Variants in TENM3 observed in about 807,000 individuals in gnomAD.
TENM3 encodes the protein teneurin transmembrane protein 3.
In TENM3, 63 loss-of-function variants were observed where a neutral mutation model predicts 255.1. That is an observed-to-expected ratio of 0.25 (90% CI 0.20 to 0.30). TENM3 has a LOEUF of 0.30. TENM3 is among the 10% of genes least tolerant of loss of function. The pLI is 1.00. For missense variants in TENM3, 2,929 were observed against 3,461.1 expected (o/e 0.85, Z 3.86); for synonymous variants, 1,306 against 1,322.3 (o/e 0.99, Z 0.27).
chr4:181,719,584 A>T, the TENM3 span, among the ~76,000 whole-genome samples: 1 of 152,166 alleles, frequency 6.6e-6, no homozygotes, highest in Non-Finnish European at 1.5e-5. Flanking sequence ...GAAGGGCACT[A>T]ATCCCATTCA....
intron 5 of TENM3, chr4:182,631,736 G>C (rs568130941): frequency 1.3e-5 from 2 of 152,120 alleles, no homozygotes; most frequent in Admixed American, 1.3e-4. Context: ...CATTCCCTTA[G>C]AATTCCCTTC....
chr4:182,681,920 G>A lies in TENM3; in HGVS notation c.1941G>A (p.Met647Ile), dbSNP rs1207231920. Residue 647 changes from methionine (M) to isoleucine (I), a missense_variant, in exon 11 of 28, where the codon ATG becomes ATA. Around this residue, in one of 6 missense-constraint regions of TENM3, gnomAD observed 1,608 missense variants for 1,884.4 expected, o/e 0.85. Transcript: ENST00000511685. ...GCAATTGTGAAATACTGAAGACCAT[G>A]TGTCCAGACCAGTGCTCCGGCCACG... ...GGSNCEILKT[M>I]CPDQCSGHGT... is the part of the protein sequence containing the mutation. 4 of 1,613,982 alleles carry A rather than the reference G, an allele frequency of 2.5e-6. No individual in the cohort carries two copies. Among genetic ancestry groups the A allele is most frequent in the African/African-American group, 2.7e-5 (2 of 75,044 alleles).
At chr4:182,635,244 A>T (rs1751749849) in intron 5 of TENM3, among the ~76,000 whole-genome samples, 1 of 152,232 alleles carries the variant, frequency 6.6e-6, no homozygotes, top group South Asian at 2.1e-4. Flanking sequence ...AATTCATTTG[A>T]CAACAGAGTG....
chr4:181,734,538 T>G, the TENM3 span, among the ~76,000 whole-genome samples: 2 of 152,278 alleles, frequency 1.3e-5, no homozygotes, highest in Non-Finnish European at 2.9e-5. Flanking sequence ...CATATATGTA[T>G]ATATGACCAA....
chr4:181,796,121 A>G, the TENM3 span, among the ~76,000 whole-genome samples: 1 of 152,246 alleles, frequency 6.6e-6, no homozygotes, highest in Non-Finnish European at 1.5e-5. Context: ...TGCAGCTGCC[A>G]GCAACCAAGG....
chr4:181,842,989 TCTA>T, the TENM3 span, among the ~76,000 whole-genome samples: 2 of 152,230 alleles, frequency 1.3e-5, no homozygotes, highest in Non-Finnish European at 2.9e-5. Flanking sequence ...TTCCATCTTC[TCTA>T]AGTTCCTTTG....
At chr4:181,579,307 C>T in the TENM3 span, among the ~76,000 whole-genome samples, 1 of 152,148 alleles carries the variant, frequency 6.6e-6, no homozygotes, top group Non-Finnish European at 1.5e-5. Flanking sequence ...CCACTCCCCC[C>T]ACATCTACTC....
At chr4:181,603,817 A>G in the TENM3 span, among the ~76,000 whole-genome samples, 5 of 149,968 alleles carry the variant, frequency 3.3e-5, no homozygotes, top group Admixed American at 3.3e-4. Flanking sequence ...ATCTGCCATC[A>G]CTAATAAACT....
At chr4:182,721,991 A>C (rs973106587) in intron 13 of TENM3, among the ~76,000 whole-genome samples, 2 of 152,042 alleles carry the variant, frequency 1.3e-5, no homozygotes, top group African/African-American at 2.4e-5. Context: ...ATTTTATCCC[A>C]GGTGTTCACT....
chr4:182,397,897 A>G (rs968763177), intron 3 of TENM3, among the ~76,000 whole-genome samples: 1 of 152,162 alleles, frequency 6.6e-6, no homozygotes, highest in African/African-American at 2.4e-5. Context: ...GCCGTGGTCA[A>G]TAACGATCAA....
the TENM3 span, among the ~76,000 whole-genome samples, chr4:181,961,241 C>A: frequency 1.3e-5 from 2 of 152,112 alleles, no homozygotes; most frequent in Non-Finnish European, 2.9e-5. Context: ...TCAAGCACCA[C>A]GTAACTAAGC....
chr4:181,519,838 T>C, the TENM3 span, among the ~76,000 whole-genome samples: 1 of 152,084 alleles, frequency 6.6e-6, no homozygotes, highest in Non-Finnish European at 1.5e-5. Context: ...AAAATAGAAA[T>C]ACCACAATAA....
intron 3 of TENM3, among the ~76,000 whole-genome samples, chr4:182,489,582 A>G (rs919444151): frequency 3.9e-5 from 6 of 152,212 alleles, no homozygotes; most frequent in African/African-American, 1.4e-4. Flanking sequence ...TAAAAACACC[A>G]TACTGTTGAA....
rs569438364 is a variant in TENM3, at chr4:182,473,399, T to C, written c.511+126470T>C. On this transcript the variant is annotated intron_variant, in intron 3 of 27. Coordinates refer to ENST00000511685, the MANE Select transcript of TENM3 (RefSeq NM_001080477.4). Reference sequence around the variant, plus strand: ...TTATTGTTTATAAAAACTGGCCGGGTGCCGTGGCTCATGCCTGTAATCCCA... The same window carrying C: ...TTATTGTTTATAAAAACTGGCCGGGCGCCGTGGCTCATGCCTGTAATCCCA... Among the ~76,000 whole-genome samples, 237 of 152,272 alleles carry C rather than the reference T, an allele frequency of 1.6e-3. 1 individual carries two copies. The highest frequency in any genetic ancestry group is 3.4e-3 in the Middle Eastern group (1 of 294).
chr4:181,484,455 A>G, the TENM3 span, among the ~76,000 whole-genome samples: 1 of 152,136 alleles, frequency 6.6e-6, no homozygotes, highest in Admixed American at 6.6e-5. Flanking sequence ...AGTGAAATTC[A>G]TTCAATTTTA....
chr4:181,971,060 G>A, the TENM3 span, among the ~76,000 whole-genome samples: 3 of 152,050 alleles, frequency 2.0e-5, no homozygotes, highest in South Asian at 2.1e-4. Flanking sequence ...TGATCCTCCC[G>A]CCTCGAGCTC....
chr4:182,284,749 T>A lies in TENM3; in HGVS notation c.-75-39197T>A, dbSNP rs189883887. Among the ~76,000 whole-genome samples the A allele has an allele frequency of 3.3e-5, 5 of 152,184 alleles. No individual in the cohort carries two copies. The East Asian group carries it at 9.7e-4, about 29-fold the overall frequency. ...CTCTCAACATTGTCTTTACACTGAG[T>A]AGAACAGATGAGATTGTGAATTATT... is the stretch of plus-strand genomic sequence containing the variant. On this transcript the variant is annotated intron_variant, in intron 1 of 27. Transcript: ENST00000511685.
At chr4:181,452,366 T>C in the TENM3 span, among the ~76,000 whole-genome samples, 3 of 152,152 alleles carry the variant, frequency 2.0e-5, no homozygotes, top group Non-Finnish European at 4.4e-5. Context: ...TGAATTGTAG[T>C]TCCCATAATC....
At chr4:181,632,372 C>T in the TENM3 span, among the ~76,000 whole-genome samples, 5 of 152,096 alleles carry the variant, frequency 3.3e-5, no homozygotes, top group Non-Finnish European at 7.4e-5. Context: ...ATTAAAATTC[C>T]AGATGAAATG....
Sources: allele counts gnomAD v4.1 joint callset (sites outside exome capture counted in the v4.1 genomes callset), GRCh38; gene constraint gnomAD v4.1.1; regional missense constraint gnomAD v4.1.1; transcripts MANE v1.5; gene names NCBI Gene and HGNC (gene_info 2026-07-23, HGNC 2026-07-21).